PHF20: variants seen among roughly 807,000 people sequenced by gnomAD.
PHF20 encodes glioma-expressed antigen 2.
PHF20 carries 23 observed loss-of-function variants against 113.5 expected under a neutral mutation model. The ratio of observed to expected loss-of-function variants is 0.20; its 90% CI spans 0.15 to 0.29. The LOEUF (loss-of-function observed/expected upper bound fraction) is 0.29, where lower values mean the gene tolerates loss of function less well. Ranked by LOEUF, PHF20 falls within the 10% of genes least tolerant of loss-of-function variation. The probability of loss-of-function intolerance (pLI) is 1.00; values close to 1 mark genes in which losing one functional copy is unlikely to be tolerated. For missense variants in PHF20, 943 were observed against 1,219.6 expected (o/e 0.77, Z 3.38); for synonymous variants, 434 against 457.3 (o/e 0.95, Z 0.65).
At chr20:35,900,654 G>A (rs890943861) in intron 10 of PHF20, among the ~76,000 whole-genome samples, 4 of 152,006 alleles carry the variant, frequency 2.6e-5, no homozygotes, top group Admixed American at 6.6e-5. Context: ...ACTTAACATG[G>A]TGAAACCCCG....
At chr20:35,877,491 C>T (rs1853122826) in intron 9 of PHF20, among the ~76,000 whole-genome samples, 1 of 150,850 alleles carries the variant, frequency 6.6e-6, no homozygotes, top group Admixed American at 6.6e-5. Flanking sequence ...ACTGTGTTGC[C>T]TAGGCTGGAG....
intron 2 of PHF20, among the ~76,000 whole-genome samples, chr20:35,840,085 T>G (rs1012295695): frequency 6.6e-6 from 1 of 152,116 alleles, no homozygotes; most frequent in African/African-American, 2.4e-5. Flanking sequence ...CATGTGTTTA[T>G]TAGGACAGCA....
intron 9 of PHF20, among the ~76,000 whole-genome samples, chr20:35,889,876 C>A (rs1568714549): frequency 6.6e-6 from 1 of 151,806 alleles, no homozygotes; most frequent in Non-Finnish European, 1.5e-5. Context: ...TAGAAGCATG[C>A]ACCACCATGC....
chr20:35,810,539 A>G (rs553706763), intron 2 of PHF20, among the ~76,000 whole-genome samples: 12 of 152,142 alleles, frequency 7.9e-5, no homozygotes, highest in Non-Finnish European at 1.6e-4. Flanking sequence ...GAGTACCCTC[A>G]TGTGGGTGCT....
chr20:35,780,849 C>CTTTTTTT (rs61173937), intron 1 of PHF20, among the ~76,000 whole-genome samples: 7 of 98,242 alleles, frequency 7.1e-5, no homozygotes, highest in East Asian at 5.4e-4. Context: ...GTGCCTGGCC[C>CTTTTTTT]TTTTTTTTTT....
intron 5 of PHF20, among the ~76,000 whole-genome samples, chr20:35,862,309 C>T (rs2054232088): frequency 6.6e-6 from 1 of 152,212 alleles, no homozygotes; most frequent in Non-Finnish European, 1.5e-5. Flanking sequence ...ATAGACAAGA[C>T]ATCAGCATTT....
chr20:35,874,261 C>G lies in PHF20; in HGVS notation c.1282+2432C>G, dbSNP rs2054478192. Reference sequence around the variant, plus strand: ...AAAGTACTGTGATTATAGGCGTGAGCCACCACACCTGGCCTGCTATAAATT... The same window carrying G: ...AAAGTACTGTGATTATAGGCGTGAGGCACCACACCTGGCCTGCTATAAATT... On this transcript the variant is annotated intron_variant, in intron 9 of 17. Transcript: ENST00000374012. 3.9e-5 allele frequency among the ~76,000 whole-genome samples: 6 copies of G among 152,338 alleles called. No homozygotes were observed. In the South Asian group the frequency reaches 1.2e-3, roughly 32 times the overall value.
chr20:35,842,504 A>C, intron 2 of PHF20, 69 bp from the exon 3 acceptor site: 1 of 1,360,118 alleles, frequency 7.4e-7, no homozygotes, highest in Non-Finnish European at 1.0e-6. Flanking sequence ...TTGGAAATGT[A>C]CCATTATGGA....
At chr20:35,850,668 G>A in intron 4 of PHF20, 1 of 242,738 alleles carries the variant, frequency 4.1e-6, no homozygotes, top group Non-Finnish European at 8.1e-6. Context: ...ACATCAGCTG[G>A]TATGATTACT....
At position 35,913,237 on chromosome 20, in the gene PHF20, G is replaced by A. The variant is rs760651626; in HGVS notation, c.1562-12G>A. The A allele has an allele frequency of 2.5e-6, 4 of 1,572,956 alleles. No individual in the cohort carries two copies. The East Asian group carries it at 9.0e-5, about 35-fold the overall frequency. ...AAAATGTTAAAATGCCAACATTTGT[G>A]TTTAATTCTAGCTACAAAAGACAAG... On this transcript the variant is annotated splice_polypyrimidine_tract_variant and intron_variant, in intron 10 of 17. Transcript: ENST00000374012.
At chr20:35,809,886 T>A (rs1369866480) in intron 2 of PHF20, among the ~76,000 whole-genome samples, 1 of 152,134 alleles carries the variant, frequency 6.6e-6, no homozygotes, top group Non-Finnish European at 1.5e-5. Context: ...TAGGGACAGT[T>A]CCCTGGTGAA....
chr20:35,812,371 A>G (rs2041993740), intron 2 of PHF20, among the ~76,000 whole-genome samples: 1 of 152,044 alleles, frequency 6.6e-6, no homozygotes, highest in Non-Finnish European at 1.5e-5. Flanking sequence ...GTGAGCAGAG[A>G]TCGAGCCACT....
At chr20:35,871,564 C>A in intron 8 of PHF20, 86 bp from the exon 9 acceptor site, 1 of 1,138,358 alleles carries the variant, frequency 8.8e-7, no homozygotes, top group Non-Finnish European at 1.2e-6. Flanking sequence ...CTAAAAAGTC[C>A]CTGGCTTTCT....
At chr20:35,816,190 C>T (rs570774862) in intron 2 of PHF20, among the ~76,000 whole-genome samples, 26 of 152,214 alleles carry the variant, frequency 1.7e-4, no homozygotes, top group African/African-American at 5.1e-4. Flanking sequence ...CTCTTGACCT[C>T]GTGATCCACT....
chr20:35,858,449 A>C, intron 5 of PHF20, 68 bp downstream of exon 5: 1 of 825,272 alleles, frequency 1.2e-6, no homozygotes, highest in Non-Finnish European at 2.0e-6. Flanking sequence ...TTCCTCAAAT[A>C]AAGACATTAC....
intron 9 of PHF20, chr20:35,878,451 C>G (rs2054569778): frequency 5.6e-6 from 3 of 533,994 alleles, no homozygotes; most frequent in Non-Finnish European, 9.9e-6. Flanking sequence ...TTTAAGCAAT[C>G]ACTATGTCGA....
intron 3 of PHF20, among the ~76,000 whole-genome samples, chr20:35,846,955 A>T (rs1258009965): frequency 6.6e-6 from 1 of 152,136 alleles, no homozygotes; most frequent in Admixed American, 6.6e-5. Context: ...AAGGGAGACA[A>T]GTGTGAAGAG....
chr20:35,825,301 G>A (rs984582593), intron 2 of PHF20, among the ~76,000 whole-genome samples: 2 of 152,030 alleles, frequency 1.3e-5, no homozygotes, highest in Non-Finnish European at 2.9e-5. Context: ...GGGACTGCAG[G>A]TGCATACCAC....
At chr20:35,811,513 G>A (rs1212932136) in intron 2 of PHF20, among the ~76,000 whole-genome samples, 2 of 151,538 alleles carry the variant, frequency 1.3e-5, no homozygotes, top group Admixed American at 1.3e-4. Flanking sequence ...CACAATCTCG[G>A]CTCACTGCAA....
Sources: allele counts gnomAD v4.1 joint callset (sites outside exome capture counted in the v4.1 genomes callset), GRCh38; gene constraint gnomAD v4.1.1; transcripts MANE v1.5; gene names NCBI Gene and HGNC (gene_info 2026-07-23, HGNC 2026-07-21).